The following FBXO8 variants were observed in gnomAD, a reference collection of about 807,000 sequenced individuals.
The protein encoded by FBXO8 is F-box protein 8, also known as F-box only protein 8.
A neutral mutation model predicts 33.4 loss-of-function variants in FBXO8; 15 were observed. That is an observed-to-expected ratio of 0.45 (90% CI 0.30 to 0.69). The LOEUF is 0.69. FBXO8 is among the 30% of genes least tolerant of loss of function. FBXO8 has a pLI of 0.08. For missense variants in FBXO8, 274 were observed against 380.3 expected (o/e 0.72, Z 2.32); for synonymous variants, 132 against 131.5 (o/e 1.00, Z -0.02).
At chr4:174,258,775 T>TGCA (rs1736473848) in intron 3 of FBXO8, among the ~76,000 whole-genome samples, 1 of 152,060 alleles carries the variant, frequency 6.6e-6, no homozygotes, top group African/African-American at 2.4e-5. Context: ...GTATTTTTGT[T>TGCA]TAAGACTCAA....
chr4:174,266,516 A>G (rs552648221), intron 1 of FBXO8, among the ~76,000 whole-genome samples: 4 of 152,296 alleles, frequency 2.6e-5, no homozygotes, highest in Middle Eastern at 3.4e-3. Flanking sequence ...TTCTGCCCCC[A>G]TTCCCTATCT....
At position 174,245,509 on chromosome 4, in the gene FBXO8, G is replaced by A. The variant is rs1736139180; in HGVS notation, c.457-4291C>T. On this transcript the variant is annotated intron_variant, in intron 3 of 5. Coordinates refer to ENST00000393674, the MANE Select transcript of FBXO8 (RefSeq NM_012180.3). This position sits in a 1 kb window ranked among gnomAD's most constrained non-coding sequence, Gnocchi z 4.6. ...TTTAGGAAGGCAGGGGAAATATTTT[G>A]GGTTGGAGAGTAAATGTACAACCAG... Among the ~76,000 whole-genome samples the A allele has an allele frequency of 6.6e-6, 1 of 151,754 alleles. No individual in the cohort carries two copies. Among genetic ancestry groups the A allele is most frequent in the African/African-American group, 2.4e-5 (1 of 41,386 alleles).
chr4:174,253,378 C>G lies in FBXO8; in HGVS notation c.456+6321G>C, dbSNP rs1736341151. Among the ~76,000 whole-genome samples, 1 of 152,168 alleles carries G rather than the reference C, an allele frequency of 6.6e-6. No homozygotes were observed. Among genetic ancestry groups the G allele is most frequent in the African/African-American group, 2.4e-5 (1 of 41,432 alleles). Reference sequence around the variant, plus strand: ...CAATCACAGCATAACCACCTCCCCTCCTATCCCGTCTTCCTCCCTTTTAAA... The same window carrying G: ...CAATCACAGCATAACCACCTCCCCTGCTATCCCGTCTTCCTCCCTTTTAAA... On this transcript the variant is annotated intron_variant, in intron 3 of 5. Transcript: ENST00000393674. The surrounding 1 kb of genome is among the most constrained non-coding windows in gnomAD (Gnocchi z 4.5).
Position 174,237,504 on chromosome 4 carries a change from G to A in FBXO8, c.868C>T (p.Arg290Ter), listed in dbSNP as rs868785863. Reference sequence around the variant, plus strand: ...TTTTGAGCAGCGCGACGGGTATTTCGAATAAATTCCCTTTTTGACATTTTA... The same window carrying A: ...TTTTGAGCAGCGCGACGGGTATTTCAAATAAATTCCCTTTTTGACATTTTA... The part of the protein sequence containing the change: ...KNKMSKREFI[R>*]NTRRAAQNIS... Residue 290 changes from arginine to a stop codon, truncating the protein, a stop_gained, in exon 6 of 6, where the codon CGA (arginine) becomes TGA (stop). Coordinates refer to ENST00000393674, the MANE Select transcript of FBXO8 (RefSeq NM_012180.3). LOFTEE classifies it high-confidence loss of function. This position sits in a 1 kb window ranked among gnomAD's most constrained non-coding sequence, Gnocchi z 4.4. The A allele has an allele frequency of 3.7e-6, 6 of 1,613,670 alleles. No individual in the cohort carries two copies. Among genetic ancestry groups the A allele is most frequent in the South Asian group, 1.1e-5 (1 of 91,036 alleles).
intron 3 of FBXO8, among the ~76,000 whole-genome samples, chr4:174,242,596 TTTC>T (rs1327302298): frequency 2.6e-5 from 4 of 151,634 alleles, no homozygotes; most frequent in South Asian, 2.1e-4. Flanking sequence ...AACGTGAAAC[TTTC>T]TTGTCAACTC....
At chr4:174,269,685 A>AG (rs1736788627) in intron 1 of FBXO8, among the ~76,000 whole-genome samples, 1 of 152,068 alleles carries the variant, frequency 6.6e-6, no homozygotes, top group East Asian at 1.9e-4. Flanking sequence ...TCTCAAAAAA[A>AG]AAAAAAAAGA....
rs1040159647 is a variant in FBXO8, at chr4:174,241,545, G to A, written c.457-327C>T. On this transcript the variant is annotated intron_variant, in intron 3 of 5. Transcript: ENST00000393674. The surrounding 1 kb of genome is among the most constrained non-coding windows in gnomAD (Gnocchi z 4.2). Reference sequence around the variant, plus strand: ...CTGCAGATGAAACCACAATACAGACGTTAAAACAAGCCTTTTAACAAACAC... The same window carrying A: ...CTGCAGATGAAACCACAATACAGACATTAAAACAAGCCTTTTAACAAACAC... Among the ~76,000 whole-genome samples the A allele has an allele frequency of 4.6e-5, 7 of 151,460 alleles. No individual in the cohort carries two copies. The highest frequency in any genetic ancestry group is 2.1e-4 in the South Asian group (1 of 4,822).
At position 174,256,169 on chromosome 4, in the gene FBXO8, AT is replaced by A. The variant is rs1174915651; in HGVS notation, c.456+3529del. On this transcript the variant is annotated intron_variant, in intron 3 of 5. Coordinates refer to ENST00000393674, the MANE Select transcript of FBXO8 (RefSeq NM_012180.3). The surrounding 1 kb of genome is among the most constrained non-coding windows in gnomAD (Gnocchi z 4.6). ...GGCTGTAAGTATTCTTATTTTTATAATATTTTAATGATGTTTGCTATCAAAA... is the reference window on the plus strand; with the variant it reads ...GGCTGTAAGTATTCTTATTTTTATAAATTTTAATGATGTTTGCTATCAAAA... The A allele has an allele frequency of 2.2e-6, 1 of 454,622 alleles. No individual in the cohort carries two copies. The highest frequency in any genetic ancestry group is 4.4e-6 in the Non-Finnish European group (1 of 226,504). The allele number at this position is 454,622 out of a possible 1,614,324, so 28.2% of individuals were successfully genotyped here.
chr4:174,278,828 C>T lies in FBXO8; in HGVS notation c.-9+4582G>A, dbSNP rs1309200612. 6.6e-6 allele frequency among the ~76,000 whole-genome samples: 1 copy of T among 151,952 alleles called. No homozygotes were observed. The highest frequency in any genetic ancestry group is 2.4e-5 in the African/African-American group (1 of 41,376). Reference sequence around the variant, plus strand: ...TATTAAATTAAATGAATATTGAAGGCAGCCAGAAATAGGAGGAAGGTGAAA... The same window carrying T: ...TATTAAATTAAATGAATATTGAAGGTAGCCAGAAATAGGAGGAAGGTGAAA... On this transcript the variant is annotated intron_variant, in intron 1 of 5. Coordinates refer to ENST00000393674, the MANE Select transcript of FBXO8 (RefSeq NM_012180.3). The surrounding 1 kb of genome is among the most constrained non-coding windows in gnomAD (Gnocchi z 4.1).
Position 174,247,770 on chromosome 4 carries a change from G to A in FBXO8, c.457-6552C>T, listed in dbSNP as rs1736193626. Among the ~76,000 whole-genome samples the A allele has an allele frequency of 6.6e-6, 1 of 152,000 alleles. No individual in the cohort carries two copies. Among genetic ancestry groups the A allele is most frequent in the Admixed American group, 6.6e-5 (1 of 15,228 alleles). ...GTAAAAATAATTGACACATCTGCAG[G>A]TCAAATGGGAACATCCCCATTGTTT... is the stretch of plus-strand genomic sequence containing the variant. On this transcript the variant is annotated intron_variant, in intron 3 of 5. Transcript: ENST00000393674. The surrounding 1 kb of genome is among the most constrained non-coding windows in gnomAD (Gnocchi z 4.6).
At chr4:174,260,206 G>T (rs557551709) in intron 2 of FBXO8, among the ~76,000 whole-genome samples, 15 of 152,062 alleles carry the variant, frequency 9.9e-5, no homozygotes, top group South Asian at 6.2e-4. Context: ...ACAATCCTAT[G>T]ACGTTGGTGA....
Position 174,237,470 on chromosome 4 carries a change from T to A in FBXO8, c.902A>T (p.Glu301Val). 6.2e-7 allele frequency: 1 copy of A among 1,613,766 alleles called. No homozygotes were observed. The highest frequency in any genetic ancestry group is 8.5e-7 in the Non-Finnish European group (1 of 1,179,738). ...NTRRAAQNIS[E>V]DFVGHLYDNI... ...GTCATAAAGATGCCCTACAAAATCTTCACTAATATTTTGAGCAGCGCGACG... is the reference window on the plus strand; with the variant it reads ...GTCATAAAGATGCCCTACAAAATCTACACTAATATTTTGAGCAGCGCGACG... Residue 301 changes from glutamate to valine, a missense_variant, in exon 6 of 6, where the codon GAA becomes GTA. Physicochemically the swap from Glu to Val is moderately radical, Grantham distance 121. Transcript: ENST00000393674. This position sits in a 1 kb window ranked among gnomAD's most constrained non-coding sequence, Gnocchi z 4.4.
chr4:174,269,674 G>A (rs556398613), intron 1 of FBXO8, among the ~76,000 whole-genome samples: 9 of 131,202 alleles, frequency 6.9e-5, no homozygotes, highest in East Asian at 5.7e-4. Context: ...AGTGAGACTC[G>A]TCTCAAAAAA....
chr4:174,241,028 T>C lies in FBXO8; in HGVS notation c.575+72A>G, dbSNP rs1456114362. ...AGATGATTACTATGCAGTATTAGTT[T>C]TAAAGTAAAACTTAACTCATCAAAA... On this transcript the variant is annotated intron_variant, in intron 4 of 5. Coordinates refer to ENST00000393674, the MANE Select transcript of FBXO8 (RefSeq NM_012180.3). This position sits in a 1 kb window ranked among gnomAD's most constrained non-coding sequence, Gnocchi z 4.2. The C allele has an allele frequency of 1.1e-6, 1 of 879,352 alleles. No individual in the cohort carries two copies. The highest frequency in any genetic ancestry group is 1.8e-6 in the Non-Finnish European group (1 of 565,556). The allele number at this position is 879,352 out of a possible 1,614,324, so 54.5% of individuals were successfully genotyped here. A position where few individuals can be genotyped will look rare whatever the true frequency, so the allele number is the denominator to read the frequency against.
intron 3 of FBXO8, among the ~76,000 whole-genome samples, chr4:174,258,476 T>G (rs891328132): frequency 2.0e-5 from 3 of 152,156 alleles, no homozygotes; most frequent in South Asian, 2.1e-4. Context: ...CATTAAGGTA[T>G]CAGTTTGCTA....
In FBXO8 at chr4:174,254,169, AG is replaced by A. The variant is rs1736363718; in HGVS notation, c.456+5529del. On this transcript the variant is annotated intron_variant, in intron 3 of 5. Coordinates refer to ENST00000393674, the MANE Select transcript of FBXO8 (RefSeq NM_012180.3). The surrounding 1 kb of genome is among the most constrained non-coding windows in gnomAD (Gnocchi z 4.2). The stretch of plus-strand genomic sequence containing the variant: ...TCGAGCAGCATAATGAAGGGTGCTG[AG>A]AACTCAATTCTTCCTAGCTAGATCT... 6.6e-6 allele frequency among the ~76,000 whole-genome samples: 1 copy of A among 152,236 alleles called. No individual in the cohort carries two copies. The highest frequency in any genetic ancestry group is 2.4e-5 in the African/African-American group (1 of 41,458).
intron 3 of FBXO8, among the ~76,000 whole-genome samples, chr4:174,249,798 A>G (rs771157863): frequency 5.3e-5 from 8 of 152,038 alleles, no homozygotes; most frequent in Non-Finnish European, 1.2e-4. Flanking sequence ...ACTCAGCAGC[A>G]CTACTGAAAC....
rs552501692 is a variant in FBXO8, at chr4:174,257,625, T to C, written c.456+2074A>G. Among the ~76,000 whole-genome samples the C allele has an allele frequency of 2.4e-4, 36 of 152,264 alleles. No homozygotes were observed. Among genetic ancestry groups the C allele is most frequent in the African/African-American group, 7.9e-4 (33 of 41,540 alleles). ...CTCAGTTTTACTCCAGCAATCATCATTCAATTACCTCAACAGACTGATGCA... is the reference window on the plus strand; with the variant it reads ...CTCAGTTTTACTCCAGCAATCATCACTCAATTACCTCAACAGACTGATGCA... On this transcript the variant is annotated intron_variant, in intron 3 of 5. Coordinates refer to ENST00000393674, the MANE Select transcript of FBXO8 (RefSeq NM_012180.3). The surrounding 1 kb of genome is among the most constrained non-coding windows in gnomAD (Gnocchi z 4.3).
rs1165422402 is a variant in FBXO8 at position 174,265,519 on chromosome 4, C to T, written c.-8-2419G>A. On this transcript the variant is annotated intron_variant, in intron 1 of 5. Transcript: ENST00000393674. This position sits in a 1 kb window ranked among gnomAD's most constrained non-coding sequence, Gnocchi z 4.7. Reference sequence around the variant, plus strand: ...CTATACAATGGGAAATTATTTAGCACTAAAAAGAAATGAGCTATCAAGCAA... The same window carrying T: ...CTATACAATGGGAAATTATTTAGCATTAAAAAGAAATGAGCTATCAAGCAA... 6.6e-6 allele frequency among the ~76,000 whole-genome samples: 1 copy of T among 151,896 alleles called. No individual in the cohort carries two copies. Among genetic ancestry groups the T allele is most frequent in the African/African-American group, 2.4e-5 (1 of 41,386 alleles).
Sources: allele counts gnomAD v4.1 joint callset (sites outside exome capture counted in the v4.1 genomes callset), GRCh38; gene constraint gnomAD v4.1.1; non-coding constraint Gnocchi (gnomAD v3.1); transcripts MANE v1.5; gene names NCBI Gene and HGNC (gene_info 2026-07-23, HGNC 2026-07-21).